Variants in NDST1 observed in about 807,000 individuals in gnomAD.
NDST1 encodes the protein bifunctional heparan sulfate N-deacetylase/N-sulfotransferase 1.
NDST1 carries 35 observed loss-of-function variants against 92.8 expected under a neutral mutation model. The ratio of observed to expected loss-of-function variants is 0.38; its 90% CI spans 0.29 to 0.50. The LOEUF (loss-of-function observed/expected upper bound fraction) is 0.50. Among genes scored for constraint, NDST1 ranks in the 20% least tolerant of loss-of-function variants. The probability of loss-of-function intolerance (pLI) is 0.94; values close to 1 mark genes in which losing one functional copy is unlikely to be tolerated. For synonymous variants in NDST1, 493 were observed against 500.3 expected, an observed-to-expected ratio of 0.99 and a Z score of 0.19; for missense variants, 822 against 1,182.7, an observed-to-expected ratio of 0.69 and a Z score of 4.47.
chr5:150,537,992 C>T (rs1288612426), intron 6 of NDST1, among the ~76,000 whole-genome samples: 5 of 152,180 alleles, frequency 3.3e-5, no homozygotes, highest in Non-Finnish European at 7.3e-5. Context: ...GTGATGAGTG[C>T]CACGGACAAA....
At chr5:150,511,792 C>T (rs989453965) in intron 1 of NDST1, among the ~76,000 whole-genome samples, 2 of 152,128 alleles carry the variant, frequency 1.3e-5, no homozygotes, top group African/African-American at 2.4e-5. Flanking sequence ...TGCTTCTGGT[C>T]TCGGCCTCCC....
At chr5:150,540,311 C>A in intron 8 of NDST1, 47 bp downstream of exon 8, 1 of 1,548,588 alleles carries the variant, frequency 6.5e-7, no homozygotes, top group Non-Finnish European at 8.8e-7. Flanking sequence ...GATGGAACGC[C>A]ACCACTCACA....
intron 4 of NDST1, among the ~76,000 whole-genome samples, chr5:150,534,260 C>A (rs914675949): frequency 6.6e-6 from 1 of 151,774 alleles, no homozygotes; most frequent in African/African-American, 2.4e-5. Context: ...CTATGCCTGG[C>A]TATTAATATT....
At position 150,545,297 on chromosome 5, in the gene NDST1, C is replaced by G; in HGVS notation, c.1971-15C>G. 4 of 1,614,178 alleles carry G rather than the reference C, an allele frequency of 2.5e-6. No individual in the cohort carries two copies. Among genetic ancestry groups the G allele is most frequent in the Non-Finnish European group, 3.4e-6 (4 of 1,180,014 alleles). Reference sequence around the variant, plus strand: ...TGAGTTTTGTCTGTGAGCCGCCTCTCTGGGCTTCCTGCAGGTACATGGAGT... The same window carrying G: ...TGAGTTTTGTCTGTGAGCCGCCTCTGTGGGCTTCCTGCAGGTACATGGAGT... On this transcript the variant is annotated splice_polypyrimidine_tract_variant and intron_variant, in intron 10 of 14. Transcript: ENST00000261797.
intron 10 of NDST1, among the ~76,000 whole-genome samples, chr5:150,543,725 T>A (rs1263894265): frequency 6.6e-6 from 1 of 152,130 alleles, no homozygotes; most frequent in African/African-American, 2.4e-5. Context: ...TTACCATTAT[T>A]TATTATTTTT....
chr5:150,546,145 G>A (rs749686451), intron 11 of NDST1, among the ~76,000 whole-genome samples: 13 of 152,096 alleles, frequency 8.5e-5, no homozygotes, highest in Admixed American at 3.3e-4. Flanking sequence ...TTACAGGTGT[G>A]CACCACCACG....
At chr5:150,511,831 C>T (rs1441661557) in intron 1 of NDST1, among the ~76,000 whole-genome samples, 3 of 152,066 alleles carry the variant, frequency 2.0e-5, no homozygotes, top group Non-Finnish European at 4.4e-5. Flanking sequence ...GAGAAACTCC[C>T]GCACAGCTGG....
chr5:150,550,666 G>C (rs750477055), intron 13 of NDST1: 1 of 152,236 alleles, frequency 6.6e-6, no homozygotes, highest in Non-Finnish European at 1.5e-5. Flanking sequence ...TTTGCAACAA[G>C]AATATTCCGT....
Position 150,528,257 on chromosome 5 carries a change from G to T in NDST1, c.967G>T (p.Val323Leu). ...CCTGGTGGACATTGATGACATCTTCGTGGGCAAGGAGGGCACACGCATGAA... is the reference window on the plus strand; with the variant it reads ...CCTGGTGGACATTGATGACATCTTCTTGGGCAAGGAGGGCACACGCATGAA... ...YILVDIDDIF[V>L]GKEGTRMKVE... is the part of the protein sequence containing the mutation. The change falls in exon 3 of 15, where the codon GTG becomes TTG. Residue 323 changes from valine to leucine, a missense_variant. By Grantham distance (32) the Val-to-Leu change is conservative (BLOSUM62 1). Coordinates refer to ENST00000261797, the MANE Select transcript of NDST1 (RefSeq NM_001543.5). 6.2e-7 allele frequency: 1 copy of T among 1,608,742 alleles called. No homozygotes were observed. Among genetic ancestry groups the T allele is most frequent in the Non-Finnish European group, 8.5e-7 (1 of 1,175,574 alleles).
intron 1 of NDST1, among the ~76,000 whole-genome samples, chr5:150,514,693 GA>G (rs1390047649): frequency 9.9e-5 from 15 of 152,110 alleles, no homozygotes; most frequent in African/African-American, 3.4e-4. Flanking sequence ...AGGGAGGAAT[GA>G]AAGACCAAAC....
upstream of NDST1, among the ~76,000 whole-genome samples, chr5:150,507,302 C>T (rs1753504086): frequency 6.6e-6 from 1 of 151,942 alleles, no homozygotes; most frequent in African/African-American, 2.4e-5. Flanking sequence ...TCAGAGCCTG[C>T]AGTTCTACTG....
chr5:150,538,828 G>A (rs1016151287), intron 6 of NDST1, among the ~76,000 whole-genome samples: 1 of 152,166 alleles, frequency 6.6e-6, no homozygotes, highest in East Asian at 1.9e-4. Context: ...GGAGACAGAC[G>A]ACAAATGGCT....
At chr5:150,512,488 G>A (rs973898529) in intron 1 of NDST1, among the ~76,000 whole-genome samples, 4 of 152,236 alleles carry the variant, frequency 2.6e-5, no homozygotes, top group African/African-American at 7.2e-5. Context: ...GCACCTAGTG[G>A]TGCTCAGTAA....
chr5:150,523,582 G>A (rs1177761658), intron 2 of NDST1, among the ~76,000 whole-genome samples: 1 of 152,204 alleles, frequency 6.6e-6, no homozygotes, highest in Non-Finnish European at 1.5e-5. Context: ...CGGCCCCAGA[G>A]GCCTTAGTCT....
At chr5:150,545,628 G>T in intron 11 of NDST1, 142 bp downstream of exon 11, 2 of 1,054,480 alleles carry the variant, frequency 1.9e-6, no homozygotes, top group Non-Finnish European at 2.8e-6. Flanking sequence ...CGTGGTGATG[G>T]CTGAGAATAG....
chr5:150,513,228 C>T (rs376591144), intron 1 of NDST1, among the ~76,000 whole-genome samples: 16 of 151,920 alleles, frequency 1.1e-4, no homozygotes, highest in African/African-American at 3.9e-4. Context: ...CAGTGGCTCA[C>T]GTCTATAATC....
Position 150,554,870 on chromosome 5 carries a change from A to G in NDST1, c.*1538A>G, listed in dbSNP as rs182489311. The G allele has an allele frequency of 3.3e-4, 51 of 152,740 alleles. No homozygotes were observed. Among genetic ancestry groups the G allele is most frequent in the African/African-American group, 1.2e-3 (50 of 41,546 alleles). The allele number at this position is 152,740 out of a possible 1,614,324, so 9.5% of individuals were successfully genotyped here. The stretch of plus-strand genomic sequence containing the variant: ...TGCTCCTACCCCACCCCATTTAACA[A>G]TGTGAAGTGACTGAGGCTGGGGTGC... On this transcript the variant is annotated 3_prime_UTR_variant, in exon 15 of 15. Coordinates refer to ENST00000261797, the MANE Select transcript of NDST1 (RefSeq NM_001543.5).
chr5:150,499,732 C>T (rs533940993), intron 1 of NDST1, among the ~76,000 whole-genome samples: 110 of 152,328 alleles, frequency 7.2e-4, no homozygotes, highest in African/African-American at 2.4e-3. Flanking sequence ...CTGACCCAGG[C>T]GGCTTCTTAA....
In NDST1 at chr5:150,556,385, T is replaced by A. The variant is rs1755870734; in HGVS notation, c.*3053T>A. 6.6e-6 allele frequency: 1 copy of A among 152,256 alleles called. No homozygotes were observed. Among genetic ancestry groups the A allele is most frequent in the South Asian group, 2.1e-4 (1 of 4,830 alleles). The allele number at this position is 152,256 out of a possible 1,614,324, so 9.4% of individuals were successfully genotyped here. A position where few individuals can be genotyped will look rare whatever the true frequency, so the allele number is the denominator to read the frequency against. On this transcript the variant is annotated 3_prime_UTR_variant, in exon 15 of 15. Transcript: ENST00000261797. ...CCCCCTGATGAGCAGTCAGTGCTTC[T>A]GGGCCCAGCTAAGGAAGCCATCTGT...
Sources: gnomAD v4.1 joint callset for allele counts (sites outside exome capture counted in the v4.1 genomes callset) on GRCh38, gnomAD v4.1.1 for gene constraint, MANE v1.5 for transcripts, NCBI Gene and HGNC (gene_info 2026-07-23, HGNC 2026-07-21) for gene names.